Variants in SPIDR observed in about 807,000 individuals in gnomAD.
SPIDR encodes the protein DNA repair-scaffolding protein.
In SPIDR, 93 loss-of-function variants were observed where a neutral mutation model predicts 104.6. The ratio of observed to expected loss-of-function variants is 0.89; its 90% confidence interval spans 0.75 to 1.06. The LOEUF (loss-of-function observed/expected upper bound fraction) is 1.06. SPIDR is among the 50% of genes least tolerant of loss of function. The probability of loss-of-function intolerance (pLI) is 0.00; values close to 1 mark genes in which losing one functional copy is unlikely to be tolerated. For synonymous variants in SPIDR, 431 were observed against 416.9 expected, an observed-to-expected ratio of 1.03 and a Z score of -0.41; for missense variants, 1,154 against 1,111.2, an observed-to-expected ratio of 1.04 and a Z score of -0.55.
At chr8:47,704,326 C>G (rs921739670) in intron 14 of SPIDR, among the ~76,000 whole-genome samples, 2 of 152,210 alleles carry the variant, frequency 1.3e-5, no homozygotes, top group African/African-American at 4.8e-5. Flanking sequence ...CATTTTATCT[C>G]AGCAGCAATA....
chr8:47,508,894 G>GA (rs1364815302), intron 8 of SPIDR, among the ~76,000 whole-genome samples: 1 of 152,102 alleles, frequency 6.6e-6, no homozygotes, highest in Non-Finnish European at 1.5e-5. Flanking sequence ...ATGGGTAGAA[G>GA]AAAGACTTGT....
At chr8:47,503,030 A>T (rs1350619234) in intron 8 of SPIDR, among the ~76,000 whole-genome samples, 2 of 152,074 alleles carry the variant, frequency 1.3e-5, no homozygotes, top group Non-Finnish European at 2.9e-5. Flanking sequence ...CTTCTTTTAC[A>T]TTTGCTGAGG....
At chr8:47,335,509 G>C (rs1264411019) in intron 5 of SPIDR, among the ~76,000 whole-genome samples, 2 of 152,144 alleles carry the variant, frequency 1.3e-5, no homozygotes, top group East Asian at 3.9e-4. Flanking sequence ...GGAGTGCAGT[G>C]GTGCAATCTC....
chr8:47,548,451 C>G (rs1199537125), intron 8 of SPIDR, among the ~76,000 whole-genome samples: 6 of 152,288 alleles, frequency 3.9e-5, no homozygotes, highest in African/African-American at 1.4e-4. Flanking sequence ...AGTTCGAGAC[C>G]AGCCTGGCCA....
intron 10 of SPIDR, among the ~76,000 whole-genome samples, chr8:47,650,182 T>TA (rs1168564999): frequency 1.3e-5 from 2 of 152,158 alleles, no homozygotes; most frequent in East Asian, 3.8e-4. Context: ...CTGCCACTGA[T>TA]ATGATTGTAT....
At chr8:47,295,358 C>T (rs1271046100) in intron 5 of SPIDR, among the ~76,000 whole-genome samples, 1 of 152,136 alleles carries the variant, frequency 6.6e-6, no homozygotes, top group South Asian at 2.1e-4. Flanking sequence ...ATACAATGCA[C>T]TATTATTATA....
At chr8:47,456,847 A>G (rs2073068621) in intron 8 of SPIDR, among the ~76,000 whole-genome samples, 1 of 152,152 alleles carries the variant, frequency 6.6e-6, no homozygotes, top group South Asian at 2.1e-4. Context: ...GAGTGAGAAC[A>G]TACGATGTTT....
intron 5 of SPIDR, among the ~76,000 whole-genome samples, chr8:47,374,789 C>G (rs1563777448): frequency 6.6e-6 from 1 of 152,196 alleles, no homozygotes; most frequent in Non-Finnish European, 1.5e-5. Flanking sequence ...GGCATTGTGT[C>G]TCATGCCTGT....
intron 8 of SPIDR, among the ~76,000 whole-genome samples, chr8:47,494,183 T>C (rs929283212): frequency 2.6e-5 from 4 of 151,698 alleles, no homozygotes; most frequent in Admixed American, 6.6e-5. Context: ...GAAATGGGGG[T>C]GTCTATGTTG....
At chr8:47,707,596 C>T (rs1430678954) in intron 14 of SPIDR, among the ~76,000 whole-genome samples, 7 of 152,128 alleles carry the variant, frequency 4.6e-5, no homozygotes. Flanking sequence ...AATTTTGATG[C>T]AGTCAGATTT....
At chr8:47,622,077 G>T (rs1290551841) in intron 10 of SPIDR, among the ~76,000 whole-genome samples, 3 of 152,112 alleles carry the variant, frequency 2.0e-5, no homozygotes, top group African/African-American at 7.2e-5. Flanking sequence ...TAGTGTCTTA[G>T]TGGCAGGCAG....
At chr8:47,575,461 G>A (rs568597588) in intron 8 of SPIDR, among the ~76,000 whole-genome samples, 1 of 151,272 alleles carries the variant, frequency 6.6e-6, no homozygotes, top group African/African-American at 2.4e-5. Context: ...GGCTAACACG[G>A]TGAAACCCCG....
intron 6 of SPIDR, among the ~76,000 whole-genome samples, chr8:47,404,549 CAG>C (rs2062440918): frequency 6.6e-6 from 1 of 152,182 alleles, no homozygotes; most frequent in African/African-American, 2.4e-5. Context: ...GGGATATGAA[CAG>C]ACAGTTCTCA....
chr8:47,721,749 A>G (rs1017006678), intron 16 of SPIDR, among the ~76,000 whole-genome samples: 1 of 152,178 alleles, frequency 6.6e-6, no homozygotes, highest in Non-Finnish European at 1.5e-5. Context: ...TGCTGGGATT[A>G]CAGGCGTGAG....
intron 8 of SPIDR, among the ~76,000 whole-genome samples, chr8:47,510,629 C>T (rs772847754): frequency 6.6e-6 from 1 of 151,520 alleles, no homozygotes; most frequent in Non-Finnish European, 1.5e-5. Flanking sequence ...AATGTAGTTG[C>T]ACAAACAGTT....
intron 8 of SPIDR, among the ~76,000 whole-genome samples, chr8:47,535,262 C>A (rs1447460987): frequency 1.3e-5 from 2 of 152,178 alleles, no homozygotes; most frequent in Non-Finnish European, 2.9e-5. Flanking sequence ...AGAAGGAGTA[C>A]TCTATAATCT....
chr8:47,348,739 T>G (rs2052752126), intron 5 of SPIDR, among the ~76,000 whole-genome samples: 1 of 152,242 alleles, frequency 6.6e-6, no homozygotes, highest in African/African-American at 2.4e-5. Context: ...CTTCAATGAA[T>G]CGGCTGCTGA....
chr8:47,729,001 T>G lies in SPIDR; in HGVS notation c.2504T>G (p.Val835Gly). 6.2e-7 allele frequency: 1 copy of G among 1,613,968 alleles called. No homozygotes were observed. Among genetic ancestry groups the G allele is most frequent in the Middle Eastern group, 1.6e-4 (1 of 6,062 alleles). The change falls in exon 18 of 20, where the codon GTC (valine) becomes GGC (glycine). Residue 835 changes from valine to glycine, a missense_variant. By Grantham distance (109) the Val-to-Gly change is moderately radical. Coordinates refer to ENST00000297423, the MANE Select transcript of SPIDR (RefSeq NM_001080394.4). The part of the protein sequence containing the change: ...TSPVLKRHLQ[V>G]FLDCRSRPQC... ...CCTGTTCTCAAGAGGCACCTGCAGG[T>G]CTTCCTGGACTGCCGCTCAAGACCG... is the stretch of plus-strand genomic sequence containing the variant.
chr8:47,533,850 G>A (rs1420204693), intron 8 of SPIDR, among the ~76,000 whole-genome samples: 1 of 152,222 alleles, frequency 6.6e-6, no homozygotes, highest in African/African-American at 2.4e-5. Context: ...ATTGTGGAAA[G>A]CAGTATGGTG....
Sources: gnomAD v4.1 joint callset for allele counts (sites outside exome capture counted in the v4.1 genomes callset) on GRCh38, gnomAD v4.1.1 for gene constraint, MANE v1.5 for transcripts, NCBI Gene and HGNC (gene_info 2026-07-23, HGNC 2026-07-21) for gene names.